Variants in TRIM4 observed in about 807,000 individuals in gnomAD.
TRIM4 encodes tripartite motif containing 4.
A neutral mutation model predicts 33.7 loss-of-function variants in TRIM4; 29 were observed. The ratio of observed to expected loss-of-function variants is 0.86; its 90% CI spans 0.64 to 1.17. The LOEUF (loss-of-function observed/expected upper bound fraction) is 1.17, where lower values mean the gene tolerates loss of function less well. TRIM4 is among the 50% of genes most tolerant of loss of function. The pLI is 0.00. For synonymous variants in TRIM4, 224 were observed against 233.0 expected, an observed-to-expected ratio of 0.96 and a Z score of 0.35; for missense variants, 554 against 593.7, an observed-to-expected ratio of 0.93 and a Z score of 0.69.
intron 3 of TRIM4, among the ~76,000 whole-genome samples, chr7:99,905,311 C>T (rs1819274648): frequency 6.6e-6 from 1 of 152,146 alleles, no homozygotes; most frequent in Non-Finnish European, 1.5e-5. Flanking sequence ...GGTTTGGAAT[C>T]ATCTACTAAA....
At chr7:99,898,290 A>G (rs1302594643) in intron 5 of TRIM4, among the ~76,000 whole-genome samples, 3 of 152,226 alleles carry the variant, frequency 2.0e-5, no homozygotes, top group African/African-American at 7.2e-5. Flanking sequence ...TACAGGTAGT[A>G]AGTCATGCAC....
chr7:99,910,199 G>GTTAGCAAAAACTAAAAC (rs1427560145), intron 1 of TRIM4, among the ~76,000 whole-genome samples: 1 of 152,178 alleles, frequency 6.6e-6, no homozygotes. Flanking sequence ...ACTGTTAGAA[G>GTTAGCAAAAACTAAAAC]ATTAGCAAAT....
At position 99,903,577 on chromosome 7, in the gene TRIM4, T is replaced by G. The variant is rs150941537; in HGVS notation, c.742A>C (p.Arg248=). The change falls in exon 4 of 6, where the codon AGG becomes CGG. Residue 248 remains arginine, a splice_region_variant and synonymous_variant. Transcript: ENST00000349062. ...LLQNPKEVLT[R]SEIQDVNYSL... is the part of the protein sequence containing the mutation. ...CCATAAGAGAACAGGAGTGCATACC[T>G]GGTCAACACTTCTTTTGGATTCTGT... The G allele has an allele frequency of 6.2e-6, 10 of 1,614,240 alleles. No homozygotes were observed. The highest frequency in any genetic ancestry group is 5.0e-5 in the Admixed American group (3 of 60,024).
At position 99,896,671 on chromosome 7, in the gene TRIM4, T is replaced by C. The variant is rs1168107402; in HGVS notation, c.842-3925A>G. 2.0e-5 allele frequency among the ~76,000 whole-genome samples: 3 copies of C among 152,046 alleles called. No individual in the cohort carries two copies. In the East Asian group the frequency reaches 5.8e-4, roughly 29 times the overall value. ...AGGAGGTTGGAGAAAATTCCACGAG[T>C]GCCAAGACAATGGGATCAGGGGAGA... On this transcript the variant is annotated intron_variant, in intron 5 of 5. Coordinates refer to ENST00000349062, the MANE Select transcript of TRIM4 (RefSeq NM_033091.3).
chr7:99,898,208 A>G (rs57028043), intron 5 of TRIM4, among the ~76,000 whole-genome samples: 2,303 of 152,292 alleles, frequency 0.015, 58 homozygotes, highest in African/African-American at 0.053. Flanking sequence ...CTAGTATGGG[A>G]GCAGGTTAGT....
chr7:99,894,670 C>T (rs368772685), intron 5 of TRIM4, among the ~76,000 whole-genome samples: 5 of 148,636 alleles, frequency 3.4e-5, no homozygotes, highest in South Asian at 2.2e-4. Flanking sequence ...CCATCCCCCC[C>T]CCAAAAAAAA....
chr7:99,896,895 A>G (rs1455606772), intron 5 of TRIM4, among the ~76,000 whole-genome samples: 1 of 152,260 alleles, frequency 6.6e-6, no homozygotes, highest in African/African-American at 2.4e-5. Flanking sequence ...TTGGCCGGCC[A>G]GTCCTGACTG....
chr7:99,903,165 T>G (rs920646735), intron 5 of TRIM4, 53 bp downstream of exon 5: 1 of 1,348,838 alleles, frequency 7.4e-7, no homozygotes, highest in Non-Finnish European at 1.0e-6. Context: ...CTCTCTTTAT[T>G]CTCCTATTTG....
Position 99,908,826 on chromosome 7 carries a change from A to G in TRIM4, c.490-14T>C, listed in dbSNP as rs757828171. On this transcript the variant is annotated splice_polypyrimidine_tract_variant and intron_variant, in intron 2 of 5. Transcript: ENST00000349062. ...CTTTATCTTATCCTAAGGCCACATG[A>G]GATTTGCTCACTCCTTTTTCTGCCT... 3 of 1,606,892 alleles carry G rather than the reference A, an allele frequency of 1.9e-6. No homozygotes were observed. The highest frequency in any genetic ancestry group is 2.6e-6 in the Non-Finnish European group (3 of 1,176,378).
intron 5 of TRIM4, among the ~76,000 whole-genome samples, chr7:99,898,672 T>G (rs1466361529): frequency 6.6e-6 from 1 of 152,192 alleles, no homozygotes; most frequent in African/African-American, 2.4e-5. Flanking sequence ...AACATATGGC[T>G]GCAGCCTTCA....
chr7:99,916,764 T>C (rs767643308), intron 1 of TRIM4: 9 of 781,072 alleles, frequency 1.2e-5, no homozygotes, highest in Non-Finnish European at 1.9e-5. Flanking sequence ...TCCACGTGGA[T>C]GTCAAAGTTA....
rs1470527940 is a variant in TRIM4 at position 99,919,057 on chromosome 7, G to T, written c.345C>A (p.His115Gln). 4 of 1,579,198 alleles carry T rather than the reference G, an allele frequency of 2.5e-6. No homozygotes were observed. Among genetic ancestry groups the T allele is most frequent in the Non-Finnish European group, 3.4e-6 (4 of 1,164,708 alleles). ...CGATGGGTGCCATGGCGTGAGTCTGGTGCTCCTGGGACTCCCTGCACACCA... is the reference window on the plus strand; with the variant it reads ...CGATGGGTGCCATGGCGTGAGTCTGTTGCTCCTGGGACTCCCTGCACACCA... ...VCLVCRESQE[H>Q]QTHAMAPIDE... Residue 115 changes from histidine (H) to glutamine (Q), a missense_variant, in exon 1 of 6, where the codon CAC (histidine) becomes CAA (glutamine). Around this residue, in one of 3 missense-constraint regions of TRIM4, gnomAD observed 233 missense variants for 203.1 expected, o/e 1.15. Transcript: ENST00000349062.
intron 1 of TRIM4, 63 bp from the exon 2 acceptor site, chr7:99,909,723 C>CTTTTTTTTTTT: frequency 2.9e-6 from 2 of 692,528 alleles, no homozygotes; most frequent in East Asian, 3.4e-5. Flanking sequence ...CTTCTTTTTT[C>CTTTTTTTTTTT]TTTTTGTTTT....
chr7:99,897,817 T>C (rs914394454), intron 5 of TRIM4, among the ~76,000 whole-genome samples: 2 of 152,218 alleles, frequency 1.3e-5, no homozygotes, highest in Non-Finnish European at 2.9e-5. Flanking sequence ...CCACTTTGTA[T>C]TATAAACCAG....
In TRIM4 at chr7:99,892,576, G is replaced by A; in HGVS notation, c.1012C>T (p.Gln338Ter). 6.2e-7 allele frequency: 1 copy of A among 1,614,188 alleles called. No individual in the cohort carries two copies. Among genetic ancestry groups the A allele is most frequent in the Admixed American group, 1.7e-5 (1 of 60,030 alleles). ...PQKTAFVERF[Q>*]HLPCVLGKNV... ...TTTCCCAGAACACAGGGTAAGTGCTGAAATCTCTCTACAAAAGCAGTCTTC... is the reference window on the plus strand; with the variant it reads ...TTTCCCAGAACACAGGGTAAGTGCTAAAATCTCTCTACAAAAGCAGTCTTC... The change falls in exon 6 of 6, where the codon CAG (glutamine) becomes TAG (stop). Residue 338 changes from glutamine (Q) to a stop codon, truncating the protein, a stop_gained. Coordinates refer to ENST00000349062, the MANE Select transcript of TRIM4 (RefSeq NM_033091.3). LOFTEE classifies it low-confidence loss of function (END_TRUNC).
intron 1 of TRIM4, among the ~76,000 whole-genome samples, chr7:99,912,273 G>A (rs866939639): frequency 6.6e-6 from 1 of 152,214 alleles, no homozygotes; most frequent in Non-Finnish European, 1.5e-5. Flanking sequence ...GCTCACGCCT[G>A]TAACCCCAGC....
chr7:99,892,773 T>C (rs1257215949), intron 5 of TRIM4, 27 bp from the exon 6 acceptor site: 2 of 1,564,716 alleles, frequency 1.3e-6, no homozygotes, highest in Non-Finnish European at 8.7e-7. Flanking sequence ...AGCTAAGTAG[T>C]GCAGCAGCTT....
intron 1 of TRIM4, among the ~76,000 whole-genome samples, chr7:99,915,840 A>G (rs1318142613): frequency 6.6e-6 from 1 of 152,116 alleles, no homozygotes; most frequent in Non-Finnish European, 1.5e-5. Context: ...TTAATCCTGA[A>G]ATCCCACCTC....
At chr7:99,909,734 T>TTG in intron 1 of TRIM4, 74 bp from the exon 2 acceptor site, 2 of 1,092,338 alleles carry the variant, frequency 1.8e-6, no homozygotes, top group Non-Finnish European at 2.5e-6. Context: ...TTTTTGTTTT[T>TTG]TTTTTTTTTT....
Sources: allele counts gnomAD v4.1 joint callset (sites outside exome capture counted in the v4.1 genomes callset), GRCh38; gene constraint gnomAD v4.1.1; regional missense constraint gnomAD v4.1.1; transcripts MANE v1.5; gene names NCBI Gene and HGNC (gene_info 2026-07-23, HGNC 2026-07-21).